The following DPYD variants were observed in gnomAD, a reference collection of about 807,000 sequenced individuals.
DPYD encodes dihydropyrimidine dehydrogenase [NADP(+)].
In DPYD, 109 loss-of-function variants were observed where a neutral mutation model predicts 116.2. That is an observed-to-expected ratio of 0.94 (90% confidence interval 0.80 to 1.10). The LOEUF (loss-of-function observed/expected upper bound fraction) is 1.10. Ranked by LOEUF, DPYD falls within the 50% of genes least tolerant of loss-of-function variation. The pLI is 0.00. For missense variants in DPYD, 1,302 were observed against 1,254.5 expected (o/e 1.04, Z -0.57); for synonymous variants, 440 against 432.0 (o/e 1.02, Z -0.23).
At chr1:97,262,411 C>T (rs1663947697) in intron 18 of DPYD, among the ~76,000 whole-genome samples, 2 of 152,004 alleles carry the variant, frequency 1.3e-5, no homozygotes, top group African/African-American at 4.8e-5. Flanking sequence ...TAATAAATGT[C>T]AGTTCTTACC....
chr1:97,331,438 C>T (rs1421240500), intron 16 of DPYD, among the ~76,000 whole-genome samples: 21 of 152,064 alleles, frequency 1.4e-4, no homozygotes, highest in Non-Finnish European at 2.2e-4. Context: ...TATGGCTGTG[C>T]GACTGTACTA....
At position 97,323,456 on chromosome 1, in the gene DPYD, C is replaced by CATATATACATATATGTATATATACACGT. The variant is rs1558030251; in HGVS notation, c.2059-17160_2059-17159insACGTGTATATATACATATATGTATATAT. Among the ~76,000 whole-genome samples the CATATATACATATATGTATATATACACGT allele has an allele frequency of 4.9e-5, 5 of 102,442 alleles. 1 individual carries two copies. Among genetic ancestry groups the CATATATACATATATGTATATATACACGT allele is most frequent in the Non-Finnish European group, 1.1e-4 (5 of 45,404 alleles). The allele number at this position is 102,442 out of a possible 152,430, so 67.2% of individuals were successfully genotyped here. On this transcript the variant is annotated intron_variant, in intron 16 of 22. Transcript: ENST00000370192. The stretch of plus-strand genomic sequence containing the variant: ...TGTATATGTACACGTATATACATAT[C>CATATATACATATATGTATATATACACGT]ATATATACATATATGTGTATATATA...
chr1:97,318,019 C>A (rs1388299061), intron 16 of DPYD, among the ~76,000 whole-genome samples: 4 of 150,192 alleles, frequency 2.7e-5, no homozygotes, highest in South Asian at 2.1e-4. Context: ...ACTTTATAGA[C>A]AAGCAAATGC....
intron 2 of DPYD, among the ~76,000 whole-genome samples, chr1:97,861,726 G>T (rs1282338982): frequency 1.3e-5 from 2 of 151,876 alleles, no homozygotes; most frequent in African/African-American, 4.8e-5. Context: ...TGAATGTATT[G>T]AGATATAATT....
intron 8 of DPYD, among the ~76,000 whole-genome samples, chr1:97,621,151 T>C (rs1012518331): frequency 8.5e-5 from 13 of 152,174 alleles, no homozygotes; most frequent in African/African-American, 3.1e-4. Context: ...TATAAATTCA[T>C]CTTTATTCTA....
chr1:97,388,720 T>C (rs567703464), intron 14 of DPYD, among the ~76,000 whole-genome samples: 4 of 152,254 alleles, frequency 2.6e-5, no homozygotes, highest in African/African-American at 7.2e-5. Context: ...TGAATCTCTC[T>C]AAAGGTTTTC....
At chr1:97,877,789 T>A (rs1671998306) in intron 2 of DPYD, among the ~76,000 whole-genome samples, 1 of 152,004 alleles carries the variant, frequency 6.6e-6, no homozygotes, top group African/African-American at 2.4e-5. Context: ...ATTGTGAATT[T>A]GATATGTCAA....
chr1:97,234,926 T>C lies in DPYD; in HGVS notation c.2368A>G (p.Ile790Val). 1 of 1,614,026 alleles carries C rather than the reference T, an allele frequency of 6.2e-7. No homozygotes were observed. The highest frequency in any genetic ancestry group is 1.1e-5 in the South Asian group (1 of 91,072). ...GAGTCAATTCCACCAGTAGCCAAAA[T>C]GGGAAATCCAGGCAGAGCACGAGCA... ...SIARALPGFP[I>V]LATGGIDSAE... Residue 790 changes from isoleucine to valine, a missense_variant, in exon 19 of 23, where the codon ATT (isoleucine) becomes GTT (valine). Ile to Val is a conservative substitution (Grantham distance 29). Coordinates refer to ENST00000370192, the MANE Select transcript of DPYD (RefSeq NM_000110.4).
intron 22 of DPYD, among the ~76,000 whole-genome samples, chr1:97,080,177 C>T (rs905494914): frequency 5.9e-5 from 9 of 152,020 alleles, no homozygotes; most frequent in Non-Finnish European, 1.2e-4. Flanking sequence ...AAGAGTTTTA[C>T]TCAGACTGTG....
intron 16 of DPYD, among the ~76,000 whole-genome samples, chr1:97,316,640 A>C (rs1336695180): frequency 6.6e-6 from 1 of 151,900 alleles, no homozygotes; most frequent in Non-Finnish European, 1.5e-5. Context: ...ACTGTACTCC[A>C]TTCTAATGTC....
intron 20 of DPYD, among the ~76,000 whole-genome samples, chr1:97,160,599 C>T (rs548220029): frequency 2.0e-4 from 30 of 152,130 alleles, no homozygotes; most frequent in African/African-American, 7.0e-4. Flanking sequence ...CTCTAGTTCC[C>T]AGGGTTTAAA....
intron 19 of DPYD, among the ~76,000 whole-genome samples, chr1:97,224,870 T>G (rs1350798414): frequency 6.6e-6 from 1 of 151,992 alleles, no homozygotes; most frequent in Non-Finnish European, 1.5e-5. Flanking sequence ...AAAACTCCAT[T>G]GCGTATATAT....
rs933504538 is a variant in DPYD at position 97,247,860 on chromosome 1, T to A, written c.2300-12866A>T. 5.3e-5 allele frequency among the ~76,000 whole-genome samples: 8 copies of A among 152,144 alleles called. No homozygotes were observed. In the South Asian group the frequency reaches 8.3e-4, roughly 16 times the overall value. ...ATCCATAACTATTGCACAAGTTGAA[T>A]TCATAATAAAAAACATTTTCACAAA... On this transcript the variant is annotated intron_variant, in intron 18 of 22. Coordinates refer to ENST00000370192, the MANE Select transcript of DPYD (RefSeq NM_000110.4).
chr1:97,244,275 T>C (rs890823421), intron 18 of DPYD, among the ~76,000 whole-genome samples: 2 of 152,088 alleles, frequency 1.3e-5, no homozygotes, highest in Non-Finnish European at 2.9e-5. Context: ...GCCCTGAACC[T>C]ACTTTTTATA....
chr1:97,343,770 G>A (rs1558043410), intron 16 of DPYD, among the ~76,000 whole-genome samples: 1 of 151,848 alleles, frequency 6.6e-6, no homozygotes, highest in Non-Finnish European at 1.5e-5. Flanking sequence ...TTTGTGGTCA[G>A]GTATGAAAGA....
At chr1:97,450,697 T>C (rs959359468) in intron 13 of DPYD, among the ~76,000 whole-genome samples, 12 of 152,026 alleles carry the variant, frequency 7.9e-5, no homozygotes, top group Non-Finnish European at 5.9e-5. Flanking sequence ...GAAGGAATAA[T>C]ATTAGTATTA....
chr1:97,201,517 G>T (rs184165025), intron 19 of DPYD, among the ~76,000 whole-genome samples: 1 of 152,040 alleles, frequency 6.6e-6, no homozygotes, highest in East Asian at 1.9e-4. Context: ...CATAAACATG[G>T]CATTGCTTAC....
chr1:97,177,503 C>T (rs1001282351), intron 20 of DPYD, among the ~76,000 whole-genome samples: 4 of 150,922 alleles, frequency 2.7e-5, no homozygotes, highest in African/African-American at 4.9e-5. Context: ...GCAGTGAGTA[C>T]GGATGACATT....
At chr1:97,653,303 C>CT (rs753813558) in intron 8 of DPYD, among the ~76,000 whole-genome samples, 3,629 of 140,154 alleles carry the variant, frequency 0.026, 119 homozygotes, top group African/African-American at 0.078. Flanking sequence ...TTTCTTTCTC[C>CT]TTTTTTTTTT....
Sources: allele counts gnomAD v4.1 joint callset (sites outside exome capture counted in the v4.1 genomes callset), GRCh38; gene constraint gnomAD v4.1.1; transcripts MANE v1.5; gene names NCBI Gene and HGNC (gene_info 2026-07-23, HGNC 2026-07-21).